The following RIC8B variants were observed in gnomAD, a reference collection of about 807,000 sequenced individuals.
RIC8B encodes the protein chaperone Ric-8B.
Under a neutral mutation model 57.5 loss-of-function variants are expected in RIC8B, and 16 were observed. The ratio of observed to expected loss-of-function variants is 0.28; its 90% CI spans 0.19 to 0.42. The LOEUF (loss-of-function observed/expected upper bound fraction) is 0.42. Among genes scored for constraint, RIC8B ranks in the 10% least tolerant of loss-of-function variants. The probability of loss-of-function intolerance (pLI) is 1.00; values close to 1 mark genes in which losing one functional copy is unlikely to be tolerated. For synonymous variants in RIC8B, 216 were observed against 250.8 expected, an observed-to-expected ratio of 0.86 and a Z score of 1.31; for missense variants, 481 against 677.0, an observed-to-expected ratio of 0.71 and a Z score of 3.21.
At chr12:106,785,063 T>C (rs1332550468) in intron 2 of RIC8B, among the ~76,000 whole-genome samples, 1 of 152,204 alleles carries the variant, frequency 6.6e-6, no homozygotes, top group African/African-American at 2.4e-5. Context: ...TTAAAACCCT[T>C]CATCTATCCC....
chr12:106,865,073 GT>G (rs1222968189), intron 8 of RIC8B, among the ~76,000 whole-genome samples: 7 of 152,122 alleles, frequency 4.6e-5, no homozygotes, highest in African/African-American at 1.7e-4. Context: ...GTGAACATGT[GT>G]CTACCGATAT....
At chr12:106,868,507 G>A (rs1299063329) in intron 8 of RIC8B, 1 of 336,514 alleles carries the variant, frequency 3.0e-6, no homozygotes, top group African/African-American at 2.2e-5. Context: ...AGAAACCAGT[G>A]AAAAGAGATG....
chr12:106,794,747 C>T (rs1013378669), intron 2 of RIC8B, among the ~76,000 whole-genome samples: 2 of 152,136 alleles, frequency 1.3e-5, no homozygotes, highest in Non-Finnish European at 2.9e-5. Flanking sequence ...TTGTTGCTAG[C>T]TGACTCACCT....
At position 106,774,787 on chromosome 12, in the gene RIC8B, A is replaced by C. The variant is rs765804112; in HGVS notation, c.42A>C (p.Glu14Asp). 6.4e-7 allele frequency: 1 copy of C among 1,553,998 alleles called. No homozygotes were observed. Among genetic ancestry groups the C allele is most frequent in the South Asian group, 1.2e-5 (1 of 84,186 alleles). ...CCCTCTACATCGTCCGGGCCGGCGA[A>C]GCAGGGGCTATCGAGCGGGTCCTGA... ...ERALYIVRAG[E>D]AGAIERVLRD... The change falls in exon 1 of 10, where the codon GAA becomes GAC. Residue 14 changes from glutamate (E) to aspartate (D), a missense_variant. Physicochemically the swap from Glu to Asp is conservative, Grantham distance 45 (BLOSUM62 2). Coordinates refer to ENST00000392837, the MANE Select transcript of RIC8B (RefSeq NM_001330145.2).
At chr12:106,857,000 T>G (rs1043139151) in intron 7 of RIC8B, among the ~76,000 whole-genome samples, 11 of 152,098 alleles carry the variant, frequency 7.2e-5, no homozygotes, top group African/African-American at 2.7e-4. Context: ...TAGCCTTGAA[T>G]GTATAGAAAA....
chr12:106,863,487 G>C (rs1169770310), intron 8 of RIC8B, among the ~76,000 whole-genome samples: 1 of 151,946 alleles, frequency 6.6e-6, no homozygotes, highest in Middle Eastern at 3.2e-3. Context: ...TCAAGATTTT[G>C]CTATGCTGCT....
At chr12:106,851,968 T>C (rs1949494945) in intron 7 of RIC8B, among the ~76,000 whole-genome samples, 1 of 152,214 alleles carries the variant, frequency 6.6e-6, no homozygotes, top group Admixed American at 6.5e-5. Context: ...TTTTAATTCC[T>C]CTTGGAATTA....
intron 7 of RIC8B, among the ~76,000 whole-genome samples, chr12:106,856,919 A>G (rs1949736302): frequency 6.6e-6 from 1 of 152,180 alleles, no homozygotes; most frequent in African/African-American, 2.4e-5. Context: ...GCAACCTGGA[A>G]GAGGGAATGC....
At chr12:106,842,539 A>G (rs1346230674) in intron 4 of RIC8B, 50 bp from the exon 5 acceptor site, 1 of 1,379,948 alleles carries the variant, frequency 7.2e-7, no homozygotes, top group Admixed American at 1.9e-5. Flanking sequence ...TGCATTTTAA[A>G]GGACTATTCA....
At chr12:106,780,130 C>A (rs1038213559) in intron 1 of RIC8B, among the ~76,000 whole-genome samples, 37 of 152,138 alleles carry the variant, frequency 2.4e-4, no homozygotes, top group African/African-American at 8.9e-4. Context: ...TTCTTTACAT[C>A]GCAGGCTATT....
At chr12:106,795,224 A>G (rs1478992726) in intron 2 of RIC8B, among the ~76,000 whole-genome samples, 2 of 152,224 alleles carry the variant, frequency 1.3e-5, no homozygotes, top group Non-Finnish European at 2.9e-5. Flanking sequence ...ATAGATGTAT[A>G]TAACAATAAT....
chr12:106,812,625 T>A (rs535699873), intron 2 of RIC8B, among the ~76,000 whole-genome samples: 2 of 152,218 alleles, frequency 1.3e-5, no homozygotes, highest in African/African-American at 4.8e-5. Context: ...TAAAATTGTG[T>A]GGAAACAAAG....
intron 2 of RIC8B, among the ~76,000 whole-genome samples, chr12:106,806,701 G>A (rs1225044869): frequency 5.9e-5 from 9 of 152,138 alleles, no homozygotes; most frequent in Admixed American, 2.0e-4. Flanking sequence ...CTGGTGGTGC[G>A]CGCGTGTAAT....
Position 106,819,434 on chromosome 12 carries a change from A to G in RIC8B, c.741+4130A>G, listed in dbSNP as rs1040863468. 2.6e-5 allele frequency among the ~76,000 whole-genome samples: 4 copies of G among 152,278 alleles called. No homozygotes were observed. In the South Asian group the frequency reaches 8.3e-4, roughly 32 times the overall value. ...TTCTTGTGAAATAATACATACTTATAAGTATAAAGAGACCTATGAAAATAA... is the reference window on the plus strand; with the variant it reads ...TTCTTGTGAAATAATACATACTTATGAGTATAAAGAGACCTATGAAAATAA... On this transcript the variant is annotated intron_variant, in intron 3 of 9. Transcript: ENST00000392837.
Position 106,886,176 on chromosome 12 carries a change from G to GT in RIC8B, c.*167dup. The GT allele has an allele frequency of 1.7e-6, 1 of 598,072 alleles. No homozygotes were observed. The highest frequency in any genetic ancestry group is 2.9e-6 in the Non-Finnish European group (1 of 341,078). 37.0% of individuals were successfully genotyped at this position (598,072 alleles called of 1,614,324 possible). ...CAGCATATTTAAGAGGTGACCCTGT[G>GT]TTTTTTGTGATATTGAGGCATTCAT... On this transcript the variant is annotated 3_prime_UTR_variant, in exon 10 of 10. Coordinates refer to ENST00000392837, the MANE Select transcript of RIC8B (RefSeq NM_001330145.2).
chr12:106,844,510 TA>T (rs1383428187), intron 6 of RIC8B, among the ~76,000 whole-genome samples: 1 of 152,044 alleles, frequency 6.6e-6, no homozygotes, highest in Non-Finnish European at 1.5e-5. Flanking sequence ...GAGTGGTAGA[TA>T]AAGAGAGGTA....
chr12:106,779,797 G>C (rs1394780747), intron 1 of RIC8B, among the ~76,000 whole-genome samples: 1 of 147,112 alleles, frequency 6.8e-6, no homozygotes, highest in African/African-American at 2.5e-5. Flanking sequence ...AGAATGAACT[G>C]TTAATTTGGG....
chr12:106,813,727 A>T (rs886442096), intron 2 of RIC8B, among the ~76,000 whole-genome samples: 2 of 152,150 alleles, frequency 1.3e-5, no homozygotes, highest in Non-Finnish European at 2.9e-5. Flanking sequence ...AATTTTGTAA[A>T]ATCTTATATT....
chr12:106,811,877 A>G (rs2045348972), intron 2 of RIC8B, among the ~76,000 whole-genome samples: 2 of 152,220 alleles, frequency 1.3e-5, no homozygotes, highest in African/African-American at 4.8e-5. Context: ...TAAAGGGGAA[A>G]TACAAGAGCA....
Sources: gnomAD v4.1 joint callset for allele counts (sites outside exome capture counted in the v4.1 genomes callset) on GRCh38, gnomAD v4.1.1 for gene constraint, MANE v1.5 for transcripts, NCBI Gene and HGNC (gene_info 2026-07-23, HGNC 2026-07-21) for gene names.